ANXA13: variants seen among roughly 807,000 people sequenced by gnomAD.
ANXA13 encodes annexin A13.
In ANXA13, 36 loss-of-function variants were observed where a neutral mutation model predicts 46.6. The ratio of observed to expected loss-of-function variants is 0.77; its 90% CI spans 0.59 to 1.02. The LOEUF (loss-of-function observed/expected upper bound fraction) is 1.02, where lower values mean the gene tolerates loss of function less well. ANXA13 is among the 50% of genes least tolerant of loss of function. The pLI is 0.00. For missense variants in ANXA13, 417 were observed against 396.5 expected (o/e 1.05, Z -0.44); for synonymous variants, 163 against 152.9 (o/e 1.07, Z -0.49).
chr8:123,682,667 GT>G (rs1813060788), intron 10 of ANXA13, among the ~76,000 whole-genome samples: 1 of 152,030 alleles, frequency 6.6e-6, no homozygotes, highest in African/African-American at 2.4e-5. Context: ...CAGCCTGTGT[GT>G]CCCCCTGCTC....
At chr8:123,731,342 A>G (rs1478572881) in intron 1 of ANXA13, among the ~76,000 whole-genome samples, 1 of 152,218 alleles carries the variant, frequency 6.6e-6, no homozygotes, top group Non-Finnish European at 1.5e-5. Flanking sequence ...GGCCTTGCGC[A>G]TGAATTGGTC....
chr8:123,680,988 T>C lies in ANXA13; in HGVS notation c.*252A>G. 1 of 431,958 alleles carries C rather than the reference T, an allele frequency of 2.3e-6. No homozygotes were observed. The highest frequency in any genetic ancestry group is 3.4e-5 in the East Asian group (1 of 29,174). 26.8% of individuals were successfully genotyped at this position (431,958 alleles called of 1,614,324 possible). A position where few individuals can be genotyped will look rare whatever the true frequency, so the allele number is the denominator to read the frequency against. On this transcript the variant is annotated 3_prime_UTR_variant, in exon 11 of 11. Coordinates refer to ENST00000419625, the MANE Select transcript of ANXA13 (RefSeq NM_004306.4). ...CATTAGTGTTTAGAAAACATCCAGT[T>C]ACCATGCTAAAAGAAAGTGAAGAGG...
chr8:123,684,626 A>G lies in ANXA13; in HGVS notation c.815T>C (p.Val272Ala). The G allele has an allele frequency of 2.5e-6, 4 of 1,613,812 alleles. No individual in the cohort carries two copies. In the South Asian group the frequency reaches 4.4e-5, roughly 18 times the overall value. The stretch of plus-strand genomic sequence containing the variant: ...GTGTCTTACCTCGGCCCTGGTCACG[A>G]CTATGCGAATCAACGTCTCCTCATC... ...GTDEETLIRI[V>A]VTRAEVDLQG... Residue 272 changes from valine to alanine, a missense_variant, in exon 10 of 11, where the codon GTC becomes GCC. Val to Ala is a moderately conservative substitution (Grantham distance 64, BLOSUM62 0). Coordinates refer to ENST00000419625, the MANE Select transcript of ANXA13 (RefSeq NM_004306.4).
intron 2 of ANXA13, among the ~76,000 whole-genome samples, chr8:123,705,093 G>A (rs767330434): frequency 9.9e-5 from 15 of 152,226 alleles, no homozygotes; most frequent in East Asian, 1.9e-4. Context: ...GGCATCACAC[G>A]GATTAGAGAA....
intron 1 of ANXA13, among the ~76,000 whole-genome samples, chr8:123,723,913 G>A (rs1235121177): frequency 2.0e-5 from 3 of 152,092 alleles, no homozygotes; most frequent in Non-Finnish European, 4.4e-5. Flanking sequence ...CTTTTCCATG[G>A]GAGGAAGAAT....
chr8:123,684,327 C>T (rs919069443), intron 10 of ANXA13, among the ~76,000 whole-genome samples: 3 of 152,246 alleles, frequency 2.0e-5, no homozygotes, highest in African/African-American at 7.2e-5. Context: ...TGCATAGCTG[C>T]AGCCCCTGAG....
intron 4 of ANXA13, 36 bp downstream of exon 4, chr8:123,698,353 G>A (rs1245883897): frequency 3.1e-6 from 5 of 1,607,286 alleles, no homozygotes; most frequent in Non-Finnish European, 4.3e-6. Context: ...TCTATTGGGT[G>A]TGTGATGCTC....
chr8:123,720,144 C>T (rs1813834030), intron 1 of ANXA13, among the ~76,000 whole-genome samples: 1 of 152,140 alleles, frequency 6.6e-6, no homozygotes. Context: ...AAACATTTGA[C>T]AATGGTTGCT....
At chr8:123,732,039 G>C (rs769383557) in intron 1 of ANXA13, among the ~76,000 whole-genome samples, 1 of 152,106 alleles carries the variant, frequency 6.6e-6, no homozygotes, top group Non-Finnish European at 1.5e-5. Context: ...GAGATGACGA[G>C]GTGATGATTC....
intron 2 of ANXA13, among the ~76,000 whole-genome samples, chr8:123,706,055 T>C (rs1271049071): frequency 6.6e-6 from 1 of 152,192 alleles, no homozygotes; most frequent in African/African-American, 2.4e-5. Context: ...AACATTTAGC[T>C]GTTTGGTTTC....
At chr8:123,734,488 C>T (rs144584660) in intron 1 of ANXA13, among the ~76,000 whole-genome samples, 1 of 152,134 alleles carries the variant, frequency 6.6e-6, no homozygotes, top group African/African-American at 2.4e-5. Context: ...ACTGCTGCTC[C>T]ACATAGGTTA....
rs546502384 is a variant in ANXA13, at chr8:123,684,538, A to T, written c.831+72T>A. 379 of 1,057,806 alleles carry T rather than the reference A, an allele frequency of 3.6e-4. 1 individual carries two copies. The African/African-American group carries it at 4.9e-3, about 14-fold the overall frequency. 65.5% of individuals were successfully genotyped at this position (1,057,806 alleles called of 1,614,324 possible). A position where few individuals can be genotyped will look rare whatever the true frequency, so the allele number is the denominator to read the frequency against. On this transcript the variant is annotated intron_variant, in intron 10 of 10. Coordinates refer to ENST00000419625, the MANE Select transcript of ANXA13 (RefSeq NM_004306.4). ...TGTAAATAGGCCCTTAATAGAAACT[A>T]TTTGTTGATGACATCAGTGGTGGAA... is the stretch of plus-strand genomic sequence containing the variant.
intron 8 of ANXA13, among the ~76,000 whole-genome samples, 197 bp from the exon 9 acceptor site, chr8:123,689,143 G>A (rs772392371): frequency 2.0e-5 from 3 of 151,766 alleles, no homozygotes; most frequent in Non-Finnish European, 4.4e-5. Flanking sequence ...TTGCTGAGGA[G>A]TCAGTCTAGA....
chr8:123,718,404 G>A (rs1043781416), intron 1 of ANXA13, among the ~76,000 whole-genome samples: 1 of 152,192 alleles, frequency 6.6e-6, no homozygotes, highest in Non-Finnish European at 1.5e-5. Flanking sequence ...GCGGAGTCCA[G>A]GTGGCCTGGC....
chr8:123,719,698 C>T lies in ANXA13; in HGVS notation c.16-6945G>A, dbSNP rs560261545. Among the ~76,000 whole-genome samples, 9 of 152,288 alleles carry T rather than the reference C, an allele frequency of 5.9e-5. No homozygotes were observed. In the South Asian group the frequency reaches 1.5e-3, roughly 25 times the overall value. On this transcript the variant is annotated intron_variant, in intron 1 of 10. Transcript: ENST00000419625. ...GATGCTTTGGGAGTCTGTGTACTTG[C>T]GTGCTTACTATGACCTATCAATGTG...
chr8:123,706,246 A>T (rs75219807), intron 2 of ANXA13, among the ~76,000 whole-genome samples: 11,377 of 151,972 alleles, frequency 0.075, 754 homozygotes, highest in African/African-American at 0.18. Flanking sequence ...TATGATTTTT[A>T]AAAAAAAACT....
In ANXA13 at chr8:123,735,869, C is replaced by G. The variant is rs373688763; in HGVS notation, c.15+1451G>C. Reference sequence around the variant, plus strand: ...GTTGACTGCCTTCTGAGAGGGTGTACGACTGGCTCTGAGGATTAAAAAAAA... The same window carrying G: ...GTTGACTGCCTTCTGAGAGGGTGTAGGACTGGCTCTGAGGATTAAAAAAAA... On this transcript the variant is annotated intron_variant, in intron 1 of 10. Transcript: ENST00000419625. The G allele has an allele frequency of 2.3e-5, 37 of 1,605,106 alleles. 1 individual carries two copies. The Middle Eastern group carries it at 5.0e-4, about 22-fold the overall frequency.
chr8:123,702,106 G>C (rs960698295), intron 3 of ANXA13, among the ~76,000 whole-genome samples: 1 of 152,064 alleles, frequency 6.6e-6, no homozygotes, highest in African/African-American at 2.4e-5. Flanking sequence ...AGTTTAAGTT[G>C]TGTTCATTAC....
intron 2 of ANXA13, among the ~76,000 whole-genome samples, chr8:123,710,647 G>C (rs576646776): frequency 2.7e-4 from 41 of 152,242 alleles, no homozygotes; most frequent in African/African-American, 9.6e-4. Context: ...AGGTGCCCTA[G>C]CTAGGATGTC....
Sources: gnomAD v4.1 joint callset for allele counts (sites outside exome capture counted in the v4.1 genomes callset) on GRCh38, gnomAD v4.1.1 for gene constraint, MANE v1.5 for transcripts, NCBI Gene and HGNC (gene_info 2026-07-23, HGNC 2026-07-21) for gene names.